The following MTCL1 variants were observed in gnomAD, a reference collection of about 807,000 sequenced individuals.
MTCL1 encodes the protein microtubule crosslinking factor 1.
MTCL1 carries 79 observed loss-of-function variants against 141.4 expected under a neutral mutation model. The ratio of observed to expected loss-of-function variants is 0.56; its 90% CI spans 0.47 to 0.67. The LOEUF is 0.67. Ranked by LOEUF, MTCL1 falls within the 30% of genes least tolerant of loss-of-function variation. MTCL1 has a pLI of 0.00. For missense variants in MTCL1, 2,177 were observed against 2,113.9 expected, an observed-to-expected ratio of 1.03 and a Z score of -0.59; for synonymous variants, 914 against 875.8, an observed-to-expected ratio of 1.04 and a Z score of -0.77.
intron 16 of MTCL1, chr18:8,831,404 C>T (rs1401146710): frequency 7.1e-7 from 1 of 1,407,562 alleles, no homozygotes; most frequent in African/African-American, 1.4e-5. Context: ...GGTCTCTTCC[C>T]ATTCATGTCA....
chr18:8,817,664 A>G (rs1390842978), intron 12 of MTCL1, among the ~76,000 whole-genome samples: 1 of 152,234 alleles, frequency 6.6e-6, no homozygotes, highest in Non-Finnish European at 1.5e-5. Context: ...ATTGATCTGC[A>G]TTCAAGGAGG....
At chr18:8,823,023 CAA>C (rs879595081) in intron 14 of MTCL1, among the ~76,000 whole-genome samples, 4 of 131,238 alleles carry the variant, frequency 3.0e-5, no homozygotes, top group Non-Finnish European at 1.6e-5. Flanking sequence ...GACTCCGTCT[CAA>C]AAAAAAAAAA....
intron 7 of MTCL1, chr18:8,789,276 G>A (rs555597012): frequency 6.9e-6 from 2 of 288,260 alleles, no homozygotes; most frequent in African/African-American, 2.3e-5. Flanking sequence ...GCACTCATGT[G>A]TTGGCCTCAT....
intron 11 of MTCL1, among the ~76,000 whole-genome samples, chr18:8,811,848 A>C (rs1490645531): frequency 2.0e-5 from 3 of 152,236 alleles, no homozygotes; most frequent in African/African-American, 7.2e-5. Flanking sequence ...TGTGCACTTA[A>C]TGAAATATAA....
intron 4 of MTCL1, among the ~76,000 whole-genome samples, chr18:8,770,543 G>A (rs889218536): frequency 5.9e-5 from 9 of 152,138 alleles, no homozygotes; most frequent in Non-Finnish European, 2.9e-5. Flanking sequence ...CCATTGTGGG[G>A]GTTCCACCTT....
chr18:8,742,677 C>T (rs2096311285), intron 4 of MTCL1, among the ~76,000 whole-genome samples: 1 of 152,182 alleles, frequency 6.6e-6, no homozygotes, highest in Non-Finnish European at 1.5e-5. Flanking sequence ...ACAGCCAAAC[C>T]ACATCACCGT....
chr18:8,736,635 A>ATTTTT (rs34650032), intron 4 of MTCL1, among the ~76,000 whole-genome samples: 1 of 117,672 alleles, frequency 8.5e-6, no homozygotes. Flanking sequence ...ATATCCATGT[A>ATTTTT]TTTTTTTTTT....
chr18:8,773,699 T>C (rs946627580), intron 4 of MTCL1, among the ~76,000 whole-genome samples: 1 of 152,188 alleles, frequency 6.6e-6, no homozygotes, highest in Non-Finnish European at 1.5e-5. Context: ...TCATCTAAGA[T>C]TTATCTGTAT....
exon 1 of MTCL1, chr18:8,706,238 T>C (rs1192299285): frequency 8.1e-7 from 1 of 1,227,808 alleles, no homozygotes; most frequent in Non-Finnish European, 1.0e-6. Flanking sequence ...GTGACCTCGG[T>C]GGCCGGGTCC....
chr18:8,786,179 G>A, intron 7 of MTCL1, 88 bp downstream of exon 6: 2 of 1,404,882 alleles, frequency 1.4e-6, no homozygotes. Context: ...TCCCGGACGA[G>A]GCCCTGAGGG....
chr18:8,736,842 A>G (rs1020179090), intron 4 of MTCL1, among the ~76,000 whole-genome samples: 6 of 151,904 alleles, frequency 3.9e-5, no homozygotes, highest in South Asian at 4.2e-4. Context: ...GGGTTTCACC[A>G]TGTTAGCCAG....
At chr18:8,806,994 G>A in exon 11 of MTCL1, 1 of 1,613,898 alleles carries the variant, frequency 6.2e-7, no homozygotes, top group Non-Finnish European at 8.5e-7. Flanking sequence ...GGCTGCAGCA[G>A]CAATATGCCA....
At chr18:8,803,760 T>A (rs778331726) in intron 10 of MTCL1, among the ~76,000 whole-genome samples, 1 of 152,254 alleles carries the variant, frequency 6.6e-6, no homozygotes, top group Non-Finnish European at 1.5e-5. Context: ...ACTGTTTTGA[T>A]TACTCTGATG....
At position 8,705,863 on chromosome 18, in the gene MTCL1, G is replaced by C; in HGVS notation, c.203G>C (p.Arg68Pro). 8.7e-7 allele frequency: 1 copy of C among 1,146,178 alleles called. No individual in the cohort carries two copies. Among genetic ancestry groups the C allele is most frequent in the South Asian group, 4.2e-5 (1 of 23,594 alleles). 71.0% of individuals were successfully genotyped at this position (1,146,178 alleles called of 1,614,324 possible). Residue 68 changes from arginine (R) to proline (P), a missense_variant, in exon 1 of 14, where the codon CGA becomes CCA. Coordinates refer to the MTCL1 transcript ENST00000306329. This position sits in a 1 kb window ranked among gnomAD's most constrained non-coding sequence, Gnocchi z 5.2. Reference sequence around the variant, plus strand: ...GGCCCGGCCGTCCCCTCCTCGGGCCGAGCCCCGGCTCCCGCCGCCCCGCGC... The same window carrying C: ...GGCCCGGCCGTCCCCTCCTCGGGCCCAGCCCCGGCTCCCGCCGCCCCGCGC...
At chr18:8,821,912 G>A (rs2076857989) in intron 14 of MTCL1, among the ~76,000 whole-genome samples, 1 of 151,612 alleles carries the variant, frequency 6.6e-6, no homozygotes, top group South Asian at 2.1e-4. Context: ...ATATTTTCTG[G>A]CAGTAGTCCT....
chr18:8,813,134 G>T, exon 12 of MTCL1: 1 of 1,614,212 alleles, frequency 6.2e-7, no homozygotes, highest in Non-Finnish European at 8.5e-7. Context: ...ACAGCGAGAA[G>T]AACTGGAACC....
chr18:8,784,597 CCAGGGCGAAGAGGAG>C, exon 6 of MTCL1: 13 of 1,612,260 alleles, frequency 8.1e-6, no homozygotes, highest in Non-Finnish European at 1.1e-5. Context: ...GGCCTGGCCT[CCAGGGCGAAGAGGAG>C]CAGGGTGAGG....
intron 4 of MTCL1, among the ~76,000 whole-genome samples, chr18:8,752,486 G>A (rs1475688368): frequency 6.6e-6 from 1 of 152,106 alleles, no homozygotes; most frequent in Non-Finnish European, 1.5e-5. Context: ...GTTTTAAGAA[G>A]GCCTGGCCTG....
chr18:8,742,306 C>G (rs968854676), intron 4 of MTCL1, among the ~76,000 whole-genome samples: 1 of 152,168 alleles, frequency 6.6e-6, no homozygotes, highest in Admixed American at 6.6e-5. Context: ...TCCCTCTCTC[C>G]CTCTCTCCCT....
Sources: allele counts gnomAD v4.1 joint callset (sites outside exome capture counted in the v4.1 genomes callset), GRCh38; gene constraint gnomAD v4.1.1; non-coding constraint Gnocchi (gnomAD v3.1); transcripts MANE v1.5; gene names NCBI Gene and HGNC (gene_info 2026-07-23, HGNC 2026-07-21).